ZEB1: variants seen among roughly 807,000 people sequenced by gnomAD.
ZEB1 encodes zinc finger E-box-binding homeobox 1.
A neutral mutation model predicts 84.9 loss-of-function variants in ZEB1; 21 were observed. The observed-to-expected ratio is 0.25, with a 90% CI of 0.18 to 0.36. The LOEUF is 0.36. Ranked by LOEUF, ZEB1 falls within the 10% of genes least tolerant of loss-of-function variation. The probability of loss-of-function intolerance (pLI) is 1.00; values close to 1 mark genes in which losing one functional copy is unlikely to be tolerated. For missense variants in ZEB1, 1,104 were observed against 1,330.2 expected, an observed-to-expected ratio of 0.83 and a Z score of 2.65; for synonymous variants, 420 against 471.1, an observed-to-expected ratio of 0.89 and a Z score of 1.41.
At chr10:31,367,527 G>A (rs1369278820) in intron 1 of ZEB1, among the ~76,000 whole-genome samples, 1 of 152,194 alleles carries the variant, frequency 6.6e-6, no homozygotes, top group Admixed American at 6.5e-5. Context: ...TTCACAGCAA[G>A]CCTATGTGGT....
At chr10:31,361,165 C>A (rs761261459) in intron 1 of ZEB1, 960 of 1,611,818 alleles carry the variant, frequency 6.0e-4, no homozygotes, top group Non-Finnish European at 6.4e-4. Flanking sequence ...ACCTCTTGTT[C>A]CTCCTGTCCC....
chr10:31,391,231 T>TTGTG (rs780805467), intron 1 of ZEB1, among the ~76,000 whole-genome samples: 23,882 of 134,478 alleles, frequency 0.18, 2,159 homozygotes, highest in South Asian at 0.23. Flanking sequence ...ACAGGTAAGT[T>TTGTG]TGTGTGTGTG....
chr10:31,413,211 A>T (rs1467847987), intron 1 of ZEB1, among the ~76,000 whole-genome samples: 1 of 152,204 alleles, frequency 6.6e-6, no homozygotes, highest in Non-Finnish European at 1.5e-5. Context: ...ACATTAGTAT[A>T]GACATATAGA....
chr10:31,353,756 C>G (rs1357330432), intron 1 of ZEB1, among the ~76,000 whole-genome samples: 1 of 152,136 alleles, frequency 6.6e-6, no homozygotes, highest in Non-Finnish European at 1.5e-5. Context: ...TGGTTTTAGT[C>G]TCATTAGTCA....
chr10:31,372,294 T>C (rs988474555), intron 1 of ZEB1, among the ~76,000 whole-genome samples: 8 of 152,094 alleles, frequency 5.3e-5, no homozygotes, highest in Non-Finnish European at 1.2e-4. Flanking sequence ...GAGCACAAAG[T>C]ATGTTAGGAC....
Position 31,362,960 on chromosome 10 carries a change from A to G in ZEB1, c.58+43668A>G, listed in dbSNP as rs571960128. 2.8e-4 allele frequency: 434 copies of G among 1,533,898 alleles called. 2 individuals carry two copies. In the South Asian group the frequency reaches 4.9e-3, roughly 17 times the overall value. On this transcript the variant is annotated intron_variant, in intron 1 of 8. Coordinates refer to ENST00000424869, the MANE Select transcript of ZEB1 (RefSeq NM_001174096.2). Reference sequence around the variant, plus strand: ...TCTCTTTGGGAAGCCTGACCCACCAACAGTGCCTCAGGAGATAGACATGGA... The same window carrying G: ...TCTCTTTGGGAAGCCTGACCCACCAGCAGTGCCTCAGGAGATAGACATGGA...
In ZEB1 at chr10:31,407,489, C is replaced by T. The variant is rs1231399334; in HGVS notation, c.59-53548C>T. On this transcript the variant is annotated intron_variant, in intron 1 of 8. Transcript: ENST00000424869. ...ATGTGCCACATTTTCTTAATCCAGT[C>T]TATCATTGTAGGACATTTGGGTTGG... 2.6e-5 allele frequency among the ~76,000 whole-genome samples: 4 copies of T among 152,030 alleles called. 1 individual carries two copies. The highest frequency in any genetic ancestry group is 2.0e-4 in the Admixed American group (3 of 15,298).
intron 3 of ZEB1, among the ~76,000 whole-genome samples, chr10:31,501,147 C>T (rs2068067568): frequency 6.6e-6 from 1 of 152,162 alleles, no homozygotes; most frequent in Admixed American, 6.5e-5. Flanking sequence ...CTGGGGAGTG[C>T]TGTTTTACAA....
At chr10:31,337,838 C>T (rs891015405) in intron 1 of ZEB1, among the ~76,000 whole-genome samples, 39 of 152,024 alleles carry the variant, frequency 2.6e-4, no homozygotes, top group African/African-American at 9.7e-5. Flanking sequence ...GCACCCACCA[C>T]CACGCTGGCT....
intron 1 of ZEB1, among the ~76,000 whole-genome samples, chr10:31,327,125 A>G (rs560580103): frequency 3.4e-5 from 3 of 88,362 alleles, no homozygotes; most frequent in East Asian, 3.8e-4. Flanking sequence ...TTTTTTTGAG[A>G]CAGTTTGACA....
intron 1 of ZEB1, among the ~76,000 whole-genome samples, chr10:31,384,225 C>T (rs775655484): frequency 2.6e-5 from 4 of 152,072 alleles, no homozygotes; most frequent in Non-Finnish European, 5.9e-5. Context: ...ATTCACTTGC[C>T]TTGGCCTCCC....
At chr10:31,511,140 T>G (rs2069919261) in intron 5 of ZEB1, among the ~76,000 whole-genome samples, 1 of 152,224 alleles carries the variant, frequency 6.6e-6, no homozygotes, top group African/African-American at 2.4e-5. Flanking sequence ...ATTATTTTGC[T>G]TATGCCATAA....
At chr10:31,497,403 CCTT>C (rs922900885) in intron 3 of ZEB1, among the ~76,000 whole-genome samples, 1 of 152,068 alleles carries the variant, frequency 6.6e-6, no homozygotes, top group African/African-American at 2.4e-5. Flanking sequence ...GGCAGGGTAA[CCTT>C]CTCAAATTTG....
intron 1 of ZEB1, among the ~76,000 whole-genome samples, chr10:31,457,900 A>G (rs1037588864): frequency 6.6e-6 from 1 of 152,188 alleles, no homozygotes; most frequent in Non-Finnish European, 1.5e-5. Flanking sequence ...TCCAAGGTCA[A>G]CCAGAGAACC....
intron 1 of ZEB1, among the ~76,000 whole-genome samples, chr10:31,448,891 G>A (rs1057177265): frequency 1.3e-5 from 2 of 152,044 alleles, no homozygotes; most frequent in Non-Finnish European, 2.9e-5. Context: ...GTCCCCAGAG[G>A]TGGAGCCTAC....
chr10:31,520,033 A>C lies in ZEB1; in HGVS notation c.794-93A>C. 1 of 1,502,226 alleles carries C rather than the reference A, an allele frequency of 6.7e-7. No individual in the cohort carries two copies. The highest frequency in any genetic ancestry group is 9.0e-7 in the Non-Finnish European group (1 of 1,115,512). 93.1% of individuals were successfully genotyped at this position (1,502,226 alleles called of 1,614,324 possible). A position where few individuals can be genotyped will look rare whatever the true frequency, so the allele number is the denominator to read the frequency against. On this transcript the variant is annotated intron_variant, in intron 6 of 8. Transcript: ENST00000424869. This position sits in a 1 kb window ranked among gnomAD's most constrained non-coding sequence, Gnocchi z 5.1. Reference sequence around the variant, plus strand: ...AAGCATGCATGGCAGTCTTCTTTTTAAAATTGATACCGCTTGTTTTAGGGA... The same window carrying C: ...AAGCATGCATGGCAGTCTTCTTTTTCAAATTGATACCGCTTGTTTTAGGGA...
rs1834741408 is a variant in ZEB1 at position 31,529,502 on chromosome 10, C to G, written c.*2238C>G. ...GCCTTTCTGACTCTCAGCTCCTGCA[C>G]TTCTGTCATCATACCTCTGATACTA... On this transcript the variant is annotated 3_prime_UTR_variant, in exon 9 of 9. Coordinates refer to ENST00000424869, the MANE Select transcript of ZEB1 (RefSeq NM_001174096.2). 6.6e-6 allele frequency: 1 copy of G among 152,224 alleles called. No homozygotes were observed. The highest frequency in any genetic ancestry group is 1.5e-5 in the Non-Finnish European group (1 of 68,044). 9.4% of individuals were successfully genotyped at this position (152,224 alleles called of 1,614,324 possible).
At chr10:31,330,892 AC>A (rs1343112806) in intron 1 of ZEB1, among the ~76,000 whole-genome samples, 5 of 151,116 alleles carry the variant, frequency 3.3e-5, no homozygotes. Flanking sequence ...GTTATAAGTA[AC>A]CTGTGCCTTA....
intron 2 of ZEB1, among the ~76,000 whole-genome samples, chr10:31,480,618 A>C (rs1346016676): frequency 6.6e-6 from 1 of 152,040 alleles, no homozygotes; most frequent in Non-Finnish European, 1.5e-5. Flanking sequence ...CACTAAATAT[A>C]CTGTATGAAT....
Sources: allele counts gnomAD v4.1 joint callset (sites outside exome capture counted in the v4.1 genomes callset), GRCh38; gene constraint gnomAD v4.1.1; non-coding constraint Gnocchi (gnomAD v3.1); transcripts MANE v1.5; gene names NCBI Gene and HGNC (gene_info 2026-07-23, HGNC 2026-07-21).